SCHIP1: variants seen among roughly 807,000 people sequenced by gnomAD.
SCHIP1 encodes the protein schwannomin-interacting protein 1.
In SCHIP1, 8 loss-of-function variants were observed where a neutral mutation model predicts 29.7. That is an observed-to-expected ratio of 0.27 (90% CI 0.16 to 0.49). The LOEUF is 0.49. Ranked by LOEUF, SCHIP1 falls within the 20% of genes least tolerant of loss-of-function variation. The pLI is 0.99. For synonymous variants in SCHIP1, 76 were observed against 94.9 expected, an observed-to-expected ratio of 0.80 and a Z score of 1.16; for missense variants, 193 against 294.6, an observed-to-expected ratio of 0.66 and a Z score of 2.52.
chr3:159,680,175 G>T, the SCHIP1 span, among the ~76,000 whole-genome samples: 1 of 151,798 alleles, frequency 6.6e-6, no homozygotes, highest in African/African-American at 2.4e-5. Context: ...CAATAGGCAC[G>T]CAAAAAATGT....
chr3:159,653,785 G>A, the SCHIP1 span, among the ~76,000 whole-genome samples: 2 of 151,212 alleles, frequency 1.3e-5, no homozygotes, highest in East Asian at 3.9e-4. Context: ...TAGATCAGTA[G>A]GTGAATCTAG....
the SCHIP1 span, among the ~76,000 whole-genome samples, chr3:159,489,640 G>T: frequency 6.6e-6 from 1 of 152,144 alleles, no homozygotes; most frequent in African/African-American, 2.4e-5. Context: ...ATACTGCAGT[G>T]TGGATTGAAA....
chr3:159,533,575 T>G, the SCHIP1 span, among the ~76,000 whole-genome samples: 1 of 152,238 alleles, frequency 6.6e-6, no homozygotes, highest in South Asian at 2.1e-4. Flanking sequence ...GAGAAATAAC[T>G]CATAACTTAG....
At chr3:159,811,886 TTAA>T in the SCHIP1 span, among the ~76,000 whole-genome samples, 1 of 152,182 alleles carries the variant, frequency 6.6e-6, no homozygotes, top group Non-Finnish European at 1.5e-5. Context: ...CATTGCTATT[TTAA>T]TAATACTGAG....
At chr3:159,790,793 G>A in the SCHIP1 span, among the ~76,000 whole-genome samples, 1 of 152,178 alleles carries the variant, frequency 6.6e-6, no homozygotes, top group Non-Finnish European at 1.5e-5. Flanking sequence ...TGTCCACTTA[G>A]AAGCATTTTT....
chr3:159,505,827 G>T, the SCHIP1 span, among the ~76,000 whole-genome samples: 38 of 152,128 alleles, frequency 2.5e-4, no homozygotes, highest in Non-Finnish European at 5.0e-4. Flanking sequence ...CTGCATAGTA[G>T]TCCATGGTGT....
At chr3:159,792,696 G>T in the SCHIP1 span, among the ~76,000 whole-genome samples, 2 of 152,160 alleles carry the variant, frequency 1.3e-5, no homozygotes, top group African/African-American at 4.8e-5. Context: ...TGGCTGGATT[G>T]TCATTTATAA....
At chr3:159,426,031 A>G in the SCHIP1 span, among the ~76,000 whole-genome samples, 1 of 152,138 alleles carries the variant, frequency 6.6e-6, no homozygotes, top group Non-Finnish European at 1.5e-5. Flanking sequence ...TCTCTGGGAC[A>G]CATTCAAAGC....
the SCHIP1 span, among the ~76,000 whole-genome samples, chr3:159,397,633 G>A: frequency 1.3e-5 from 2 of 152,164 alleles, no homozygotes; most frequent in Non-Finnish European, 2.9e-5. Flanking sequence ...TAGGCTGCTT[G>A]GGGGTCAGGG....
At chr3:159,626,212 ATCTAGATATATATATATC>A in the SCHIP1 span, among the ~76,000 whole-genome samples, 5 of 123,630 alleles carry the variant, frequency 4.0e-5, 1 homozygote, top group African/African-American at 4.6e-5. Context: ...AGATAGATAT[ATCTAGATATATATATATC>A]TAGATATATC....
At chr3:159,543,948 A>T in the SCHIP1 span, among the ~76,000 whole-genome samples, 2 of 152,132 alleles carry the variant, frequency 1.3e-5, no homozygotes, top group Non-Finnish European at 2.9e-5. Context: ...CAAACTCATA[A>T]ATCACAAGCA....
chr3:159,480,900 C>G, the SCHIP1 span, among the ~76,000 whole-genome samples: 8 of 151,804 alleles, frequency 5.3e-5, no homozygotes, highest in Non-Finnish European at 7.4e-5. Flanking sequence ...AGAGGGTCAG[C>G]GAAGGGAGAT....
chr3:159,536,272 C>T, the SCHIP1 span, among the ~76,000 whole-genome samples: 48 of 152,264 alleles, frequency 3.2e-4, no homozygotes, highest in Admixed American at 2.6e-3. Context: ...CATTTTCCTC[C>T]GAGTTAAATC....
the SCHIP1 span, among the ~76,000 whole-genome samples, chr3:159,556,420 A>G: frequency 2.6e-5 from 4 of 152,108 alleles, no homozygotes; most frequent in African/African-American, 9.7e-5. Context: ...ATTACTGGGT[A>G]TATACCCAAA....
chr3:159,551,957 G>GA, the SCHIP1 span, among the ~76,000 whole-genome samples: 1 of 150,162 alleles, frequency 6.7e-6, no homozygotes, highest in Non-Finnish European at 1.5e-5. Flanking sequence ...GGAGAAATGT[G>GA]AAATTACCTA....
At chr3:159,580,419 T>G in the SCHIP1 span, among the ~76,000 whole-genome samples, 1 of 152,136 alleles carries the variant, frequency 6.6e-6, no homozygotes, top group Non-Finnish European at 1.5e-5. Flanking sequence ...TTCTTTCAAC[T>G]GGAGGAAGAA....
At chr3:159,762,211 G>C in the SCHIP1 span, among the ~76,000 whole-genome samples, 62 of 152,252 alleles carry the variant, frequency 4.1e-4, no homozygotes, top group African/African-American at 1.4e-3. Context: ...TACCATAAAA[G>C]ACAATTTAAA....
At chr3:159,586,093 A>G in the SCHIP1 span, among the ~76,000 whole-genome samples, 4 of 151,352 alleles carry the variant, frequency 2.6e-5, no homozygotes, top group Non-Finnish European at 5.9e-5. Context: ...TTTTTCCTCA[A>G]CTTAAATCTG....
the SCHIP1 span, among the ~76,000 whole-genome samples, chr3:159,528,119 T>C: frequency 1.3e-5 from 2 of 152,240 alleles, no homozygotes; most frequent in African/African-American, 4.8e-5. Flanking sequence ...TAGAGAAGGA[T>C]CTCCAATTCC....
Sources: allele counts gnomAD v4.1 joint callset (sites outside exome capture counted in the v4.1 genomes callset), GRCh38; gene constraint gnomAD v4.1.1; transcripts MANE v1.5; gene names NCBI Gene and HGNC (gene_info 2026-07-23, HGNC 2026-07-21).